SRCIN1: variants seen among roughly 807,000 people sequenced by gnomAD.
SRCIN1 encodes the protein SRC kinase signaling inhibitor 1.
In SRCIN1, 50 loss-of-function variants were observed where a neutral mutation model predicts 116.2. The observed-to-expected ratio is 0.43, with a 90% confidence interval of 0.34 to 0.54. The LOEUF (loss-of-function observed/expected upper bound fraction) is 0.54, where lower values mean the gene tolerates loss of function less well. Ranked by LOEUF, SRCIN1 falls within the 20% of genes least tolerant of loss-of-function variation. SRCIN1 has a pLI of 0.02. For missense variants in SRCIN1, 1,446 were observed against 1,672.0 expected (o/e 0.86, Z 2.36); for synonymous variants, 736 against 750.0 (o/e 0.98, Z 0.30).
Position 38,552,072 on chromosome 17 carries a change from C to T in SRCIN1, c.2541G>A (p.Lys847=). Reference sequence around the variant, plus strand: ...TGTTGAAGTCAGTCTCTGCCGTCACCTTCTTGGGGGACTGACTCAGGAGAT... The same window carrying T: ...TGTTGAAGTCAGTCTCTGCCGTCACTTTCTTGGGGGACTGACTCAGGAGAT... ...PNNLLSQSPK[K]VTAETDFNKS... Residue 847 remains lysine (K), a synonymous_variant, in exon 14 of 19, where the codon AAG becomes AAA. Transcript: ENST00000617146. The surrounding 1 kb of genome is among the most constrained non-coding windows in gnomAD (Gnocchi z 5.3). The T allele has an allele frequency of 2.5e-6, 4 of 1,613,622 alleles. No individual in the cohort carries two copies. Among genetic ancestry groups the T allele is most frequent in the Non-Finnish European group, 3.4e-6 (4 of 1,179,874 alleles).
chr17:38,566,931 T>C (rs1158295236), intron 3 of SRCIN1, among the ~76,000 whole-genome samples: 1 of 151,218 alleles, frequency 6.6e-6, no homozygotes, highest in Non-Finnish European at 1.5e-5. Flanking sequence ...CTTTCTTTCC[T>C]TCTTTCTCTC....
In SRCIN1 at chr17:38,564,123, G is replaced by A. The variant is rs1416144747; in HGVS notation, c.536C>T (p.Ser179Phe). 9.4e-6 allele frequency: 15 copies of A among 1,597,946 alleles called. No individual in the cohort carries two copies. The highest frequency in any genetic ancestry group is 1.2e-5 in the Non-Finnish European group (14 of 1,173,230). Residue 179 changes from serine (S) to phenylalanine (F), a missense_variant, in exon 4 of 19, where the codon TCC (serine) becomes TTC (phenylalanine). Around this residue, in one of 5 missense-constraint regions of SRCIN1, gnomAD observed 246 missense variants for 265.1 expected, o/e 0.93. Transcript: ENST00000617146. ...SRSASQTKLR[S>F]PGVLFLQFGE... The stretch of plus-strand genomic sequence containing the variant: ...GTGGACTGGGCGGGCAGTACCTGGG[G>A]AGCGCAGCTTGGTCTGGCTGGCCGA...
chr17:38,552,381 T>G lies in SRCIN1; in HGVS notation c.2480+66A>C. ...TGGGGGAGTTGGGGTAAGGGTTCAG[T>G]ATGACCTATGGGTCTGGGCCCGGTG... On this transcript the variant is annotated intron_variant, in intron 13 of 18. Coordinates refer to ENST00000617146, the MANE Select transcript of SRCIN1 (RefSeq NM_025248.3). The surrounding 1 kb of genome is among the most constrained non-coding windows in gnomAD (Gnocchi z 5.3). 1 of 1,530,466 alleles carries G rather than the reference T, an allele frequency of 6.5e-7. No individual in the cohort carries two copies. Among genetic ancestry groups the G allele is most frequent in the South Asian group, 1.2e-5 (1 of 80,306 alleles). 94.8% of individuals were successfully genotyped at this position (1,530,466 alleles called of 1,614,324 possible).
chr17:38,553,205 C>T (rs1238762917), intron 11 of SRCIN1, among the ~76,000 whole-genome samples: 2 of 152,200 alleles, frequency 1.3e-5, no homozygotes, highest in Non-Finnish European at 2.9e-5. Flanking sequence ...TGCAGTGAGC[C>T]GTGATTGTGC....
intron 1 of SRCIN1, among the ~76,000 whole-genome samples, chr17:38,596,677 C>G (rs555912117): frequency 2.6e-4 from 40 of 152,234 alleles, no homozygotes; most frequent in African/African-American, 7.5e-4. Context: ...CTACGAGACC[C>G]CCATCTGCTC....
intron 3 of SRCIN1, 51 bp from the exon 4 acceptor site, chr17:38,564,364 C>CT: frequency 1.4e-6 from 2 of 1,471,216 alleles, no homozygotes; most frequent in Non-Finnish European, 1.8e-6. Context: ...ACCCCCCCTC[C>CT]CCTTTGCTTG....
Position 38,549,187 on chromosome 17 carries a change from G to C in SRCIN1, c.2986C>G (p.Arg996Gly). ...GGCGACTTGGAGGGCTTCTCTGTGC[G>C]GTATCGGGGCACGGTCAACTCATCT... ...GSDELTVPRY[R>G]TEKPSKSPPP... The change falls in exon 16 of 19, where the codon CGC (arginine) becomes GGC (glycine). Residue 996 changes from arginine (R) to glycine (G), a missense_variant. By Grantham distance (125) the Arg-to-Gly change is moderately radical (BLOSUM62 -2). This residue lies in a region of SRCIN1 where 531 missense variants were observed against 633.9 expected (regional missense o/e 0.84). Transcript: ENST00000617146. 1.3e-6 allele frequency: 2 copies of C among 1,557,500 alleles called. No homozygotes were observed. The highest frequency in any genetic ancestry group is 1.7e-6 in the Non-Finnish European group (2 of 1,155,008).
Position 38,568,607 on chromosome 17 carries a change from G to A in SRCIN1, c.325-376C>T, listed in dbSNP as rs931416459. 2.6e-5 allele frequency among the ~76,000 whole-genome samples: 4 copies of A among 152,174 alleles called. No homozygotes were observed. Among genetic ancestry groups the A allele is most frequent in the South Asian group, 2.1e-4 (1 of 4,828 alleles). On this transcript the variant is annotated intron_variant, in intron 2 of 18. Coordinates refer to ENST00000617146, the MANE Select transcript of SRCIN1 (RefSeq NM_025248.3). The surrounding 1 kb of genome is among the most constrained non-coding windows in gnomAD (Gnocchi z 4.5). Reference sequence around the variant, plus strand: ...AGTGCTTGGAAGAGGTGGCATTTGAGTTGGGTCTGGAAAAACGAGCAGCTG... The same window carrying A: ...AGTGCTTGGAAGAGGTGGCATTTGAATTGGGTCTGGAAAAACGAGCAGCTG...
rs762812075 is a variant in SRCIN1 at position 38,563,297 on chromosome 17, C to T, written c.740+26G>A. The T allele has an allele frequency of 1.3e-5, 21 of 1,557,542 alleles. No homozygotes were observed. Among genetic ancestry groups the T allele is most frequent in the Non-Finnish European group, 1.7e-5 (19 of 1,150,500 alleles). On this transcript the variant is annotated intron_variant, in intron 5 of 18. Coordinates refer to ENST00000617146, the MANE Select transcript of SRCIN1 (RefSeq NM_025248.3). This position sits in a 1 kb window ranked among gnomAD's most constrained non-coding sequence, Gnocchi z 5.8. ...AGAGGAGGAGCGTGGGGAAGCCCAC[C>T]CAAATCCCCCCCGGTCCACGCCCAC...
In SRCIN1 at chr17:38,563,401, C is replaced by A; in HGVS notation, c.662G>T (p.Gly221Val). Residue 221 changes from glycine (G) to valine (V), a missense_variant, in exon 5 of 19, where the codon GGC (glycine) becomes GTC (valine). Physicochemically the swap from Gly to Val is moderately radical, Grantham distance 109. Coordinates refer to ENST00000617146, the MANE Select transcript of SRCIN1 (RefSeq NM_025248.3). This position sits in a 1 kb window ranked among gnomAD's most constrained non-coding sequence, Gnocchi z 5.8. ...AHMFPQKLTM[G>V]MLKSPNTAIL... ...GGCGGTATTGGGCGACTTAAGCATGCCCATGGTGAGCTTCTGCGGGAACAT... is the reference window on the plus strand; with the variant it reads ...GGCGGTATTGGGCGACTTAAGCATGACCATGGTGAGCTTCTGCGGGAACAT... 1 of 1,577,456 alleles carries A rather than the reference C, an allele frequency of 6.3e-7. No individual in the cohort carries two copies. Among genetic ancestry groups the A allele is most frequent in the Non-Finnish European group, 8.6e-7 (1 of 1,160,874 alleles).
intron 2 of SRCIN1, among the ~76,000 whole-genome samples, chr17:38,575,923 C>T (rs894183430): frequency 2.8e-4 from 43 of 152,204 alleles, no homozygotes; most frequent in African/African-American, 9.7e-4. Flanking sequence ...TGCTTAAGCA[C>T]CGAACATTCC....
chr17:38,601,376 C>A (rs946414812), intron 1 of SRCIN1, among the ~76,000 whole-genome samples: 1 of 152,132 alleles, frequency 6.6e-6, no homozygotes, highest in African/African-American at 2.4e-5. Context: ...TGAGAGGCTT[C>A]TTGGATGCCT....
At chr17:38,559,837 G>T (rs1024186463) in intron 9 of SRCIN1, 65 bp from the exon 10 acceptor site, 31 of 1,450,736 alleles carry the variant, frequency 2.1e-5, no homozygotes, top group Non-Finnish European at 2.7e-5. Flanking sequence ...ACTGGGCTGG[G>T]ACAAAGTCCT....
Position 38,548,592 on chromosome 17 carries a change from C to T in SRCIN1, c.3235G>A (p.Glu1079Lys), listed in dbSNP as rs201458548. 894 of 1,612,872 alleles carry T rather than the reference C, an allele frequency of 5.5e-4. No homozygotes were observed. Among genetic ancestry groups the T allele is most frequent in the Non-Finnish European group, 6.7e-4 (793 of 1,179,814 alleles). ...GCGATGATGCGATCCTCGTCATCCT[C>T]GTCCTTGATGGCCGAGGCCATGATG... ...PPIMASAIKD[E>K]DDEDRIIAEL... Residue 1079 changes from glutamate to lysine, a missense_variant, in exon 17 of 19, where the codon GAG becomes AAG. Physicochemically the swap from Glu to Lys is moderately conservative, Grantham distance 56. This residue lies in a region of SRCIN1 where 531 missense variants were observed against 633.9 expected (regional missense o/e 0.84). Coordinates refer to ENST00000617146, the MANE Select transcript of SRCIN1 (RefSeq NM_025248.3).
At position 38,558,090 on chromosome 17, in the gene SRCIN1, G is replaced by A. The variant is rs530063641; in HGVS notation, c.2201+137C>T. 4.5e-5 allele frequency: 43 copies of A among 946,098 alleles called. No homozygotes were observed. The South Asian group carries it at 7.1e-4, about 16-fold the overall frequency. The allele number at this position is 946,098 out of a possible 1,614,324, so 58.6% of individuals were successfully genotyped here. ...GTCACAGTGAAATCAGGCCAGAGGA[G>A]AATGAAATCAGGCTTCAGAACAGAC... On this transcript the variant is annotated intron_variant, in intron 11 of 18. Transcript: ENST00000617146. The surrounding 1 kb of genome is among the most constrained non-coding windows in gnomAD (Gnocchi z 4.6).
chr17:38,592,383 A>C (rs1262043386), intron 1 of SRCIN1, among the ~76,000 whole-genome samples: 2 of 152,216 alleles, frequency 1.3e-5, no homozygotes, highest in Non-Finnish European at 1.5e-5. Context: ...CAAGGTGAGC[A>C]GTGCACCTCA....
In SRCIN1 at chr17:38,552,126, C is replaced by T; in HGVS notation, c.2487G>A (p.Val829=). Residue 829 remains valine (V), a synonymous_variant, in exon 14 of 19, where the codon GTG becomes GTA. Transcript: ENST00000617146. This position sits in a 1 kb window ranked among gnomAD's most constrained non-coding sequence, Gnocchi z 5.3. ...TDTLAQIRRQ[V]DEGVWPPPNN... is the part of the protein sequence containing the mutation. ...TGGGGGGTGGCCACACACCCTCATCCACTTGCCTGGGGTTGGGAGAGTTGG... is the reference window on the plus strand; with the variant it reads ...TGGGGGGTGGCCACACACCCTCATCTACTTGCCTGGGGTTGGGAGAGTTGG... 1 of 1,610,222 alleles carries T rather than the reference C, an allele frequency of 6.2e-7. No individual in the cohort carries two copies.
At chr17:38,588,825 C>A (rs1018593453) in intron 1 of SRCIN1, among the ~76,000 whole-genome samples, 1 of 152,186 alleles carries the variant, frequency 6.6e-6, no homozygotes, top group African/African-American at 2.4e-5. Context: ...ACGGGCTCAT[C>A]AATATTGGGC....
chr17:38,588,305 A>C (rs1908245412), intron 1 of SRCIN1, among the ~76,000 whole-genome samples: 2 of 152,222 alleles, frequency 1.3e-5, no homozygotes, highest in South Asian at 4.1e-4. Context: ...GGGCAGAGAT[A>C]TGGAGGGCAG....
Sources: allele counts gnomAD v4.1 joint callset (sites outside exome capture counted in the v4.1 genomes callset), GRCh38; gene constraint gnomAD v4.1.1; regional missense constraint gnomAD v4.1.1; non-coding constraint Gnocchi (gnomAD v3.1); transcripts MANE v1.5; gene names NCBI Gene and HGNC (gene_info 2026-07-23, HGNC 2026-07-21).